The following ANTXR1 variants were observed in gnomAD, a reference collection of about 807,000 sequenced individuals.
ANTXR1 encodes the protein ANTXR cell adhesion molecule 1, also known as anthrax toxin receptor 1.
In ANTXR1, 19 loss-of-function variants were observed where a neutral mutation model predicts 78.1. The ratio of observed to expected loss-of-function variants is 0.24; its 90% CI spans 0.17 to 0.36. The LOEUF (loss-of-function observed/expected upper bound fraction) is 0.36. Ranked by LOEUF, ANTXR1 falls within the 10% of genes least tolerant of loss-of-function variation. ANTXR1 has a pLI of 1.00. For synonymous variants in ANTXR1, 273 were observed against 260.5 expected, an observed-to-expected ratio of 1.05 and a Z score of -0.46; for missense variants, 518 against 718.6, an observed-to-expected ratio of 0.72 and a Z score of 3.19.
intron 13 of ANTXR1, among the ~76,000 whole-genome samples, chr2:69,167,573 G>T (rs73934766): frequency 1.3e-5 from 2 of 152,234 alleles, no homozygotes; most frequent in Non-Finnish European, 2.9e-5. Context: ...AGCTTAGCCT[G>T]TCTAGATCAT....
intron 17 of ANTXR1, among the ~76,000 whole-genome samples, chr2:69,198,155 T>C (rs1004163778): frequency 6.6e-6 from 1 of 152,206 alleles, no homozygotes; most frequent in Non-Finnish European, 1.5e-5. Flanking sequence ...CTGGATCAAA[T>C]AGTGTGCAAA....
intron 12 of ANTXR1, among the ~76,000 whole-genome samples, chr2:69,144,082 C>T (rs1254041990): frequency 6.6e-6 from 1 of 152,172 alleles, no homozygotes; most frequent in Non-Finnish European, 1.5e-5. Context: ...CCATGCTTTG[C>T]CAGTTTTGTC....
intron 16 of ANTXR1, among the ~76,000 whole-genome samples, chr2:69,183,495 C>T (rs1674330058): frequency 6.6e-6 from 1 of 151,954 alleles, no homozygotes; most frequent in South Asian, 2.1e-4. Context: ...CTCGACCTCC[C>T]AGGCTCAAGC....
At chr2:69,020,459 C>T (rs1671151332) in intron 1 of ANTXR1, among the ~76,000 whole-genome samples, 1 of 152,082 alleles carries the variant, frequency 6.6e-6, no homozygotes, top group African/African-American at 2.4e-5. Context: ...GTAACTACCT[C>T]TACTTTATTT....
chr2:69,043,328 C>G (rs1278428104), intron 2 of ANTXR1, among the ~76,000 whole-genome samples: 2 of 152,186 alleles, frequency 1.3e-5, no homozygotes, highest in Non-Finnish European at 2.9e-5. Context: ...AGGTACCAGT[C>G]TCATACAGTT....
At chr2:69,244,603 C>T (rs1675969841) in intron 17 of ANTXR1, among the ~76,000 whole-genome samples, 1 of 152,202 alleles carries the variant, frequency 6.6e-6, no homozygotes, top group South Asian at 2.1e-4. Flanking sequence ...ATCAGGGCCT[C>T]CATGACAACT....
chr2:69,072,479 A>G (rs1036283426), intron 5 of ANTXR1, among the ~76,000 whole-genome samples: 1 of 152,222 alleles, frequency 6.6e-6, no homozygotes, highest in Non-Finnish European at 1.5e-5. Context: ...GCTAATGTAA[A>G]TCAACCGTGA....
chr2:69,202,307 A>AGT (rs1481082196), intron 17 of ANTXR1, among the ~76,000 whole-genome samples: 1 of 152,166 alleles, frequency 6.6e-6, no homozygotes, highest in Non-Finnish European at 1.5e-5. Flanking sequence ...AGGAGGGTGG[A>AGT]GTGTCAAGTG....
At chr2:69,156,892 G>A (rs1409114812) in intron 13 of ANTXR1, among the ~76,000 whole-genome samples, 1 of 152,170 alleles carries the variant, frequency 6.6e-6, no homozygotes. Context: ...ATCACAACTC[G>A]ACGTGAGATT....
chr2:69,167,647 C>T (rs556297162), intron 13 of ANTXR1, among the ~76,000 whole-genome samples: 53 of 152,222 alleles, frequency 3.5e-4, no homozygotes, highest in Non-Finnish European at 5.7e-4. Flanking sequence ...GGCAAGCTTT[C>T]GGTGCATGGG....
At chr2:69,157,442 T>G (rs1021596990) in intron 13 of ANTXR1, among the ~76,000 whole-genome samples, 1 of 152,106 alleles carries the variant, frequency 6.6e-6, no homozygotes, top group African/African-American at 2.4e-5. Flanking sequence ...ACATCTCAAA[T>G]GCAGGCATCT....
chr2:69,100,807 C>T (rs1018798116), intron 9 of ANTXR1, among the ~76,000 whole-genome samples: 24 of 152,200 alleles, frequency 1.6e-4, no homozygotes, highest in African/African-American at 2.4e-4. Context: ...GTGCTTGACA[C>T]GTACTAAATT....
At chr2:69,081,968 C>T (rs1489770420) in intron 8 of ANTXR1, among the ~76,000 whole-genome samples, 1 of 152,252 alleles carries the variant, frequency 6.6e-6, no homozygotes, top group Non-Finnish European at 1.5e-5. Flanking sequence ...CCACACAGCA[C>T]AGTGAGTAGT....
At chr2:69,060,541 G>T (rs986943802) in intron 3 of ANTXR1, among the ~76,000 whole-genome samples, 5 of 152,214 alleles carry the variant, frequency 3.3e-5, no homozygotes, top group Non-Finnish European at 7.3e-5. Context: ...ATGTGAGAAA[G>T]AACAGGTGGT....
intron 12 of ANTXR1, among the ~76,000 whole-genome samples, chr2:69,142,374 C>T (rs1159346549): frequency 1.3e-5 from 2 of 152,190 alleles, no homozygotes; most frequent in East Asian, 3.8e-4. Context: ...CTCACAGGTA[C>T]AAATATGAGT....
chr2:69,091,693 T>C lies in ANTXR1; in HGVS notation c.703+774T>C, dbSNP rs557939090. On this transcript the variant is annotated intron_variant, in intron 9 of 17. Transcript: ENST00000303714. ...GTTGGATGCTGGCCTTTTCACACAGTTAATATATTTATCTTAATTGTTTAA... is the reference window on the plus strand; with the variant it reads ...GTTGGATGCTGGCCTTTTCACACAGCTAATATATTTATCTTAATTGTTTAA... 2.1e-3 allele frequency among the ~76,000 whole-genome samples: 313 copies of C among 152,248 alleles called. 2 individuals are homozygous for C. The highest frequency in any genetic ancestry group is 7.2e-3 in the African/African-American group (300 of 41,544).
intron 8 of ANTXR1, among the ~76,000 whole-genome samples, chr2:69,087,982 T>G (rs1480774386): frequency 6.6e-6 from 1 of 152,232 alleles, no homozygotes; most frequent in Admixed American, 6.5e-5. Context: ...TCCCCCTCAC[T>G]GATAAATTTT....
intron 17 of ANTXR1, among the ~76,000 whole-genome samples, chr2:69,223,163 A>T (rs1675363895): frequency 6.6e-6 from 1 of 152,222 alleles, no homozygotes; most frequent in African/African-American, 2.4e-5. Flanking sequence ...AGGCTGGCAG[A>T]TGGCCCAGGA....
chr2:69,229,419 C>T (rs1195885288), intron 17 of ANTXR1, among the ~76,000 whole-genome samples: 1 of 152,114 alleles, frequency 6.6e-6, no homozygotes, highest in East Asian at 1.9e-4. Flanking sequence ...ATGATATCAG[C>T]GCTGTGCACC....
Sources: gnomAD v4.1 joint callset for allele counts (sites outside exome capture counted in the v4.1 genomes callset) on GRCh38, gnomAD v4.1.1 for gene constraint, MANE v1.5 for transcripts, NCBI Gene and HGNC (gene_info 2026-07-23, HGNC 2026-07-21) for gene names.